Variants in CADPS observed in about 807,000 individuals in gnomAD.
CADPS encodes calcium dependent secretion activator.
In CADPS, 57 loss-of-function variants were observed where a neutral mutation model predicts 167.3. That is an observed-to-expected ratio of 0.34 (90% CI 0.28 to 0.42). The LOEUF (loss-of-function observed/expected upper bound fraction) is 0.42. Among genes scored for constraint, CADPS ranks in the 20% least tolerant of loss-of-function variants. The pLI, the probability that CADPS is intolerant of heterozygous loss-of-function variation, is 1.00. For synonymous variants in CADPS, 676 were observed against 635.3 expected, an observed-to-expected ratio of 1.06 and a Z score of -0.96; for missense variants, 1,414 against 1,738.1, an observed-to-expected ratio of 0.81 and a Z score of 3.32.
At chr3:62,423,102 A>G (rs920794021) in intron 28 of CADPS, among the ~76,000 whole-genome samples, 14 of 152,204 alleles carry the variant, frequency 9.2e-5, no homozygotes, top group Admixed American at 8.5e-4. Flanking sequence ...TGAAGCATAT[A>G]TGGTATGCAA....
intron 1 of CADPS, among the ~76,000 whole-genome samples, chr3:62,809,241 G>A (rs1036619982): frequency 6.6e-6 from 1 of 152,070 alleles, no homozygotes; most frequent in African/African-American, 2.4e-5. Flanking sequence ...GAATCACGTT[G>A]CTCCTCCTGC....
intron 3 of CADPS, among the ~76,000 whole-genome samples, chr3:62,708,468 G>A (rs1263197869): frequency 6.6e-6 from 1 of 152,008 alleles, no homozygotes; most frequent in Middle Eastern, 3.2e-3. Context: ...TTTCACAGAT[G>A]AGAAAAGTGA....
chr3:62,619,607 C>G (rs1403554336), intron 6 of CADPS, among the ~76,000 whole-genome samples: 1 of 152,276 alleles, frequency 6.6e-6, no homozygotes, highest in Non-Finnish European at 1.5e-5. Context: ...GAGGCTTTCT[C>G]TAGTCCCTGC....
chr3:62,786,138 G>A (rs1379308136), intron 1 of CADPS, among the ~76,000 whole-genome samples: 1 of 152,046 alleles, frequency 6.6e-6, no homozygotes, highest in African/African-American at 2.4e-5. Flanking sequence ...GCTTGAACGT[G>A]GGAGGCAGAG....
chr3:62,855,482 G>A (rs1018383601), intron 1 of CADPS, among the ~76,000 whole-genome samples: 1 of 151,968 alleles, frequency 6.6e-6, no homozygotes, highest in Non-Finnish European at 1.5e-5. Context: ...GGAATTAGAA[G>A]AAAAGGTAAA....
intron 11 of CADPS, among the ~76,000 whole-genome samples, chr3:62,543,804 G>A (rs9853236): frequency 0.075 from 11,326 of 152,004 alleles, 627 homozygotes; most frequent in African/African-American, 0.16. Flanking sequence ...TCCGTCTAAC[G>A]TCAAGTCTTT....
intron 17 of CADPS, among the ~76,000 whole-genome samples, chr3:62,504,400 A>G (rs977027026): frequency 3.9e-5 from 6 of 152,254 alleles, no homozygotes; most frequent in Non-Finnish European, 7.3e-5. Flanking sequence ...CAGTGAATGC[A>G]TGTTACCTGC....
Position 62,602,177 on chromosome 3 carries a change from G to A in CADPS, c.1326-9429C>T, listed in dbSNP as rs571343246. Among the ~76,000 whole-genome samples the A allele has an allele frequency of 9.3e-5, 14 of 150,274 alleles. No homozygotes were observed. The South Asian group carries it at 1.7e-3, about 18-fold the overall frequency. On this transcript the variant is annotated intron_variant, in intron 6 of 29. Coordinates refer to ENST00000383710, the MANE Select transcript of CADPS (RefSeq NM_003716.4). This position sits in a 1 kb window ranked among gnomAD's most constrained non-coding sequence, Gnocchi z 4.4. ...CCTTTGACAACAGAGTGATATTTAC[G>A]AATGCATATGTGAGTAAGCCAAGAA...
At chr3:62,729,925 G>A (rs1178049185) in intron 3 of CADPS, among the ~76,000 whole-genome samples, 1 of 151,526 alleles carries the variant, frequency 6.6e-6, no homozygotes, top group African/African-American at 2.4e-5. Context: ...TCTAGTTCTG[G>A]CCAGTGGGTT....
At chr3:62,840,033 CAT>C (rs1244971904) in intron 1 of CADPS, among the ~76,000 whole-genome samples, 1 of 152,130 alleles carries the variant, frequency 6.6e-6, no homozygotes, top group Non-Finnish European at 1.5e-5. Flanking sequence ...CTGAGTAAGA[CAT>C]ATTGAATGAA....
At chr3:62,550,910 C>T (rs1241907961) in intron 10 of CADPS, 1 of 456,592 alleles carries the variant, frequency 2.2e-6, no homozygotes, top group Non-Finnish European at 4.4e-6. Context: ...CAGGAGGAAA[C>T]CCTGACTTTC....
At chr3:62,482,497 C>T (rs979530139) in intron 21 of CADPS, among the ~76,000 whole-genome samples, 1 of 152,146 alleles carries the variant, frequency 6.6e-6, no homozygotes, top group Non-Finnish European at 1.5e-5. Context: ...GAAGAAAGAT[C>T]AGATTTGAAT....
At chr3:62,692,295 T>C (rs993917880) in intron 3 of CADPS, among the ~76,000 whole-genome samples, 1 of 13,442 alleles carries the variant, frequency 7.4e-5, no homozygotes, top group Admixed American at 1.3e-3. Flanking sequence ...TCCAAGGTAA[T>C]TCTTCTGCTC....
At chr3:62,727,294 A>G (rs934837) in intron 3 of CADPS, among the ~76,000 whole-genome samples, 23,544 of 151,862 alleles carry the variant, frequency 0.16, 2,629 homozygotes, top group African/African-American at 0.3. Context: ...ACCTGCAACA[A>G]TATAAATAAA....
chr3:62,773,997 C>T (rs2089631582), intron 1 of CADPS, among the ~76,000 whole-genome samples: 1 of 152,080 alleles, frequency 6.6e-6, no homozygotes, highest in Non-Finnish European at 1.5e-5. Flanking sequence ...ACAAAGAGTT[C>T]TATGACCTAC....
rs553900729 is a variant in CADPS at position 62,835,611 on chromosome 3, A to C, written c.441+38978T>G. On this transcript the variant is annotated intron_variant, in intron 1 of 29. Coordinates refer to ENST00000383710, the MANE Select transcript of CADPS (RefSeq NM_003716.4). ...TATGCAGGCCAGTACTGGCTGTCTT[A>C]TTATGAGAGAGAGAGCAGCTACATG... Among the ~76,000 whole-genome samples, 9 of 152,290 alleles carry C rather than the reference A, an allele frequency of 5.9e-5. No homozygotes were observed. In the South Asian group the frequency reaches 1.7e-3, roughly 28 times the overall value.
chr3:62,766,023 TC>T, intron 1 of CADPS, 39 bp from the exon 2 acceptor site: 1 of 1,436,244 alleles, frequency 7.0e-7, no homozygotes, highest in Non-Finnish European at 9.8e-7. Context: ...TGAGAACTTG[TC>T]CTAGACAAGG....
At chr3:62,435,820 A>G (rs2054900665) in intron 28 of CADPS, among the ~76,000 whole-genome samples, 1 of 152,146 alleles carries the variant, frequency 6.6e-6, no homozygotes, top group Non-Finnish European at 1.5e-5. Flanking sequence ...GGGTTTCCAC[A>G]ATGTTACTGA....
chr3:62,794,792 A>AAAAAAAAAAAAAAAAAAAAAAAAG (rs1559654139), intron 1 of CADPS, among the ~76,000 whole-genome samples: 2 of 147,452 alleles, frequency 1.4e-5, no homozygotes, highest in African/African-American at 5.3e-5. Flanking sequence ...AAAAAAAAAA[A>AAAAAAAAAAAAAAAAAAAAAAAAG]AAAAAAAAAA....
Sources: gnomAD v4.1 joint callset for allele counts (sites outside exome capture counted in the v4.1 genomes callset) on GRCh38, gnomAD v4.1.1 for gene constraint, Gnocchi (gnomAD v3.1) non-coding constraint, MANE v1.5 for transcripts, NCBI Gene and HGNC (gene_info 2026-07-23, HGNC 2026-07-21) for gene names.